SAMD5: variants seen among roughly 807,000 people sequenced by gnomAD.
SAMD5 encodes sterile alpha motif domain-containing protein 5.
In SAMD5, 13 loss-of-function variants were observed where a neutral mutation model predicts 11.3. The observed-to-expected ratio is 1.15, with a 90% CI of 0.75 to 1.83. The LOEUF (loss-of-function observed/expected upper bound fraction) is 1.83, where lower values mean the gene tolerates loss of function less well. SAMD5 is among the 40% of genes most tolerant of loss of function. The pLI is 0.00. For synonymous variants in SAMD5, 129 were observed against 111.3 expected (o/e 1.16, Z -1.00); for missense variants, 255 against 239.1 (o/e 1.07, Z -0.44).
chr6:147,651,937 C>T (rs762159473), intron 1 of SAMD5, among the ~76,000 whole-genome samples: 8 of 141,608 alleles, frequency 5.6e-5, no homozygotes, highest in Admixed American at 3.7e-4. Context: ...GAGTGGGGGT[C>T]GGAGTCCCAC....
intron 1 of SAMD5, among the ~76,000 whole-genome samples, chr6:147,532,298 C>G (rs909120786): frequency 2.6e-5 from 4 of 152,072 alleles, no homozygotes; most frequent in Admixed American, 6.5e-5. Context: ...TCCCACCTTC[C>G]CCCACCTCCC....
At position 147,565,357 on chromosome 6, in the gene SAMD5, C is replaced by G; in HGVS notation, c.*901C>G. The G allele has an allele frequency of 1.0e-6, 1 of 985,784 alleles. No individual in the cohort carries two copies. Among genetic ancestry groups the G allele is most frequent in the Non-Finnish European group, 1.2e-6 (1 of 829,926 alleles). 61.1% of individuals were successfully genotyped at this position (985,784 alleles called of 1,614,324 possible). ...CAGTGGCCTGAGGAGCCCTGTAGAA[C>G]TACGGCTGAAAAAGAAAGTAGATTG... is the stretch of plus-strand genomic sequence containing the variant. On this transcript the variant is annotated 3_prime_UTR_variant, in exon 2 of 2. Transcript: ENST00000367474.
chr6:147,640,052 G>A (rs1790286940), intron 1 of SAMD5, among the ~76,000 whole-genome samples: 1 of 152,132 alleles, frequency 6.6e-6, no homozygotes, highest in African/African-American at 2.4e-5. Flanking sequence ...TGACGGCTGG[G>A]CGCGGTGGCT....
chr6:147,607,088 T>C (rs966223410), intron 1 of SAMD5, among the ~76,000 whole-genome samples: 1 of 152,164 alleles, frequency 6.6e-6, no homozygotes, highest in Admixed American at 6.5e-5. Context: ...CTGGACATTA[T>C]AGTCATCTGA....
the SAMD5 span, among the ~76,000 whole-genome samples, chr6:147,761,164 TA>T: frequency 6.6e-6 from 1 of 152,150 alleles, no homozygotes; most frequent in Non-Finnish European, 1.5e-5. Flanking sequence ...TAAACTTCAT[TA>T]AAAAATAATT....
At chr6:147,835,189 C>T in the SAMD5 span, among the ~76,000 whole-genome samples, 1 of 146,640 alleles carries the variant, frequency 6.8e-6, no homozygotes, top group Non-Finnish European at 1.5e-5. Flanking sequence ...GCTGAGATTG[C>T]ACCACTGCAC....
the SAMD5 span, among the ~76,000 whole-genome samples, chr6:147,916,725 G>A: frequency 9.8e-6 from 1 of 102,064 alleles, no homozygotes; most frequent in Non-Finnish European, 1.8e-5. Context: ...CCCCACTACA[G>A]TCCCCAGAGT....
At chr6:147,864,633 G>A in the SAMD5 span, among the ~76,000 whole-genome samples, 2 of 152,318 alleles carry the variant, frequency 1.3e-5, no homozygotes, top group South Asian at 2.1e-4. Flanking sequence ...TGTGATAGAC[G>A]AGAACCTACA....
chr6:147,591,553 CAT>C (rs1401511386), intron 1 of SAMD5, among the ~76,000 whole-genome samples: 3 of 152,100 alleles, frequency 2.0e-5, no homozygotes, highest in African/African-American at 7.2e-5. Context: ...ACACTTTATG[CAT>C]AGTTTTAAAC....
chr6:147,953,803 T>C, the SAMD5 span: 1 of 152,218 alleles, frequency 6.6e-6, no homozygotes, highest in Non-Finnish European at 1.5e-5. Flanking sequence ...TAATACATCT[T>C]TGGGCACCCA....
the SAMD5 span, among the ~76,000 whole-genome samples, chr6:147,760,484 T>G: frequency 6.6e-6 from 1 of 152,118 alleles, no homozygotes; most frequent in Non-Finnish European, 1.5e-5. Context: ...GAGCTATGGG[T>G]TTTGGCTTAC....
chr6:147,608,232 T>C (rs911330143), intron 1 of SAMD5, among the ~76,000 whole-genome samples: 4 of 152,176 alleles, frequency 2.6e-5, no homozygotes, highest in Non-Finnish European at 5.9e-5. Context: ...AGTTTGGAAG[T>C]TCCTCAAAAT....
intron 1 of SAMD5, among the ~76,000 whole-genome samples, chr6:147,698,717 GC>G (rs1791213110): frequency 6.6e-6 from 1 of 152,116 alleles, no homozygotes; most frequent in Non-Finnish European, 1.5e-5. Context: ...CCTTGTACTT[GC>G]CCAGTTTATA....
the SAMD5 span, among the ~76,000 whole-genome samples, chr6:147,944,935 A>T: frequency 6.6e-6 from 1 of 152,112 alleles, no homozygotes; most frequent in African/African-American, 2.4e-5. Context: ...CCATCTTCAC[A>T]TAGATTTCTC....
the SAMD5 span, among the ~76,000 whole-genome samples, chr6:147,781,425 C>T: frequency 6.6e-6 from 1 of 152,096 alleles, no homozygotes; most frequent in African/African-American, 2.4e-5. Flanking sequence ...AGCAAACTTT[C>T]CTGTTTTACT....
chr6:147,632,457 T>C (rs978406813), intron 1 of SAMD5, among the ~76,000 whole-genome samples: 9 of 152,064 alleles, frequency 5.9e-5, no homozygotes, highest in Non-Finnish European at 2.9e-5. Flanking sequence ...GGGCAGAAAG[T>C]ATATGAGTCA....
chr6:147,746,742 G>C, the SAMD5 span, among the ~76,000 whole-genome samples: 1 of 152,176 alleles, frequency 6.6e-6, no homozygotes, highest in Non-Finnish European at 1.5e-5. Flanking sequence ...CAAAAACTAT[G>C]GGTTGGTACT....
chr6:147,631,896 A>T (rs1739445041), intron 1 of SAMD5, among the ~76,000 whole-genome samples: 1 of 152,208 alleles, frequency 6.6e-6, no homozygotes, highest in South Asian at 2.1e-4. Context: ...AAAGGAAATA[A>T]GAGGTTCTAA....
chr6:147,690,690 G>A (rs1791088190), intron 1 of SAMD5, among the ~76,000 whole-genome samples: 2 of 152,066 alleles, frequency 1.3e-5, no homozygotes, highest in Admixed American at 1.3e-4. Flanking sequence ...GAACAACAAA[G>A]TATGGTGGAA....
Sources: allele counts gnomAD v4.1 joint callset (sites outside exome capture counted in the v4.1 genomes callset), GRCh38; gene constraint gnomAD v4.1.1; transcripts MANE v1.5; gene names NCBI Gene and HGNC (gene_info 2026-07-23, HGNC 2026-07-21).